The following PTPDC1 variants were observed in gnomAD, a reference collection of about 807,000 sequenced individuals.
PTPDC1 encodes the protein protein tyrosine phosphatase domain-containing protein 1.
In PTPDC1, 53 loss-of-function variants were observed where a neutral mutation model predicts 75.3. The ratio of observed to expected loss-of-function variants is 0.70; its 90% CI spans 0.56 to 0.88. PTPDC1 has a LOEUF of 0.88. PTPDC1 is among the 40% of genes least tolerant of loss of function. The pLI is 0.00. For missense variants in PTPDC1, 925 were observed against 998.6 expected, an observed-to-expected ratio of 0.93 and a Z score of 0.99; for synonymous variants, 349 against 366.2, an observed-to-expected ratio of 0.95 and a Z score of 0.54.
rs1190937704 is a variant in PTPDC1, at chr9:94,108,730, A to G, written c.*786A>G. On this transcript the variant is annotated 3_prime_UTR_variant, in exon 9 of 9. Transcript: ENST00000620992. ...TTGGGTTGCTGCTGAGCCAAATAGCATCTTTACAGAGGAAGTGGGATCAGA... is the reference window on the plus strand; with the variant it reads ...TTGGGTTGCTGCTGAGCCAAATAGCGTCTTTACAGAGGAAGTGGGATCAGA... The G allele has an allele frequency of 6.6e-6, 1 of 152,282 alleles. No homozygotes were observed. Among genetic ancestry groups the G allele is most frequent in the Non-Finnish European group, 1.5e-5 (1 of 68,090 alleles). The allele number at this position is 152,282 out of a possible 1,614,324, so 9.4% of individuals were successfully genotyped here.
intron 1 of PTPDC1, among the ~76,000 whole-genome samples, chr9:94,031,447 G>A (rs1232107597): frequency 1.3e-5 from 2 of 151,496 alleles, no homozygotes; most frequent in Non-Finnish European, 2.9e-5. Context: ...GTAAATGTTG[G>A]CAATCAATTA....
upstream of PTPDC1, among the ~76,000 whole-genome samples, chr9:94,080,108 G>A (rs1826826454): frequency 6.6e-6 from 1 of 152,174 alleles, no homozygotes; most frequent in South Asian, 2.1e-4. Context: ...TGGAACATAG[G>A]CAGGATGAGG....
chr9:94,080,988 C>CTTTTT (rs1254750314), upstream of PTPDC1, among the ~76,000 whole-genome samples: 49 of 127,524 alleles, frequency 3.8e-4, 2 homozygotes, highest in Middle Eastern at 4.5e-3. Context: ...TTTTCTTTTT[C>CTTTTT]TTTTTCTTTT....
In PTPDC1 at chr9:94,108,439, T is replaced by A. The variant is rs184900281; in HGVS notation, c.*495T>A. The stretch of plus-strand genomic sequence containing the variant: ...TATTTGTTACGAAGAAGGCTATTGC[T>A]ACAATATTTTTAAAGGTTTCTTTTT... On this transcript the variant is annotated 3_prime_UTR_variant, in exon 9 of 9. Transcript: ENST00000620992. 6.5e-6 allele frequency: 1 copy of A among 152,816 alleles called. No individual in the cohort carries two copies. Among genetic ancestry groups the A allele is most frequent in the East Asian group, 1.9e-4 (1 of 5,188 alleles). 9.5% of individuals were successfully genotyped at this position (152,816 alleles called of 1,614,324 possible).
At chr9:94,057,511 G>A (rs1213373208) in intron 1 of PTPDC1, among the ~76,000 whole-genome samples, 8 of 152,168 alleles carry the variant, frequency 5.3e-5, no homozygotes, top group Non-Finnish European at 1.0e-4. Context: ...GCGGATACTG[G>A]TTTGCAAAGT....
At chr9:94,037,264 CTG>C (rs1324819086) in intron 1 of PTPDC1, among the ~76,000 whole-genome samples, 5 of 152,178 alleles carry the variant, frequency 3.3e-5, no homozygotes, top group Non-Finnish European at 5.9e-5. Flanking sequence ...AGTGTTGTGA[CTG>C]TTTTTATTTT....
At chr9:94,103,921 T>C (rs1283687629) in intron 7 of PTPDC1, among the ~76,000 whole-genome samples, 1 of 152,214 alleles carries the variant, frequency 6.6e-6, no homozygotes, top group East Asian at 1.9e-4. Flanking sequence ...TGTATCTCTA[T>C]GACATGTCAC....
At chr9:94,045,283 C>T (rs1426276341) in intron 1 of PTPDC1, among the ~76,000 whole-genome samples, 1 of 151,886 alleles carries the variant, frequency 6.6e-6, no homozygotes, top group Non-Finnish European at 1.5e-5. Context: ...TTGCTATTGT[C>T]AATAGTGCCG....
At chr9:94,085,038 G>T (rs1827021534) in intron 1 of PTPDC1, among the ~76,000 whole-genome samples, 1 of 152,178 alleles carries the variant, frequency 6.6e-6, no homozygotes, top group Admixed American at 6.5e-5. Context: ...CTAATTGCCA[G>T]TATGTGTGGA....
At chr9:94,058,930 G>C (rs1364612075) in intron 1 of PTPDC1, among the ~76,000 whole-genome samples, 10 of 152,180 alleles carry the variant, frequency 6.6e-5, no homozygotes, top group African/African-American at 2.2e-4. Flanking sequence ...GGTAGAAGTT[G>C]CAGTGAGCCG....
At chr9:94,049,606 C>G (rs1189565015) in intron 1 of PTPDC1, among the ~76,000 whole-genome samples, 1 of 152,162 alleles carries the variant, frequency 6.6e-6, no homozygotes, top group Non-Finnish European at 1.5e-5. Flanking sequence ...TGGGCTTCCC[C>G]TTGTGGGTAA....
chr9:94,084,852 CT>C, intron 1 of PTPDC1, 78 bp downstream of exon 1: 2 of 1,057,318 alleles, frequency 1.9e-6, no homozygotes, highest in Non-Finnish European at 1.4e-6. Context: ...GTGTTTATAC[CT>C]TTTTAAATAT....
At chr9:94,065,748 A>C (rs1334992662) in intron 2 of PTPDC1, among the ~76,000 whole-genome samples, 1 of 152,206 alleles carries the variant, frequency 6.6e-6, no homozygotes, top group Non-Finnish European at 1.5e-5. Context: ...AGAGGCACTA[A>C]TACTACTGGT....
At chr9:94,041,735 C>G (rs185758183) in intron 1 of PTPDC1, among the ~76,000 whole-genome samples, 1 of 152,142 alleles carries the variant, frequency 6.6e-6, no homozygotes, top group Non-Finnish European at 1.5e-5. Context: ...TTGAGCACTT[C>G]CCTACTTTTC....
chr9:94,093,169 C>G (rs1033894997), intron 4 of PTPDC1, among the ~76,000 whole-genome samples: 1 of 152,106 alleles, frequency 6.6e-6, no homozygotes, highest in Non-Finnish European at 1.5e-5. Context: ...GATGCAGTTT[C>G]TTCCTAGTCT....
At chr9:94,078,092 G>C (rs1252325407) in intron 2 of PTPDC1, among the ~76,000 whole-genome samples, 1 of 152,136 alleles carries the variant, frequency 6.6e-6, no homozygotes, top group African/African-American at 2.4e-5. Flanking sequence ...AATACATACT[G>C]TCTCTTCTAA....
rs1025477287 is a variant in PTPDC1, at chr9:94,032,651, G to A, written c.-7+1524G>A. 3.8e-4 allele frequency among the ~76,000 whole-genome samples: 58 copies of A among 152,118 alleles called. 1 individual carries two copies. The highest frequency in any genetic ancestry group is 1.3e-3 in the African/African-American group (55 of 41,498). On this transcript the variant is annotated intron_variant, in intron 1 of 9. Transcript: ENST00000375360. ...TATTCTGATCCTCCTTGAAAACTAG[G>A]TTCAAGGCATTTATTTGAAAGTTAC...
At chr9:94,103,243 C>T (rs1243577081) in intron 7 of PTPDC1, among the ~76,000 whole-genome samples, 1 of 152,232 alleles carries the variant, frequency 6.6e-6, no homozygotes, top group African/African-American at 2.4e-5. Context: ...AGAGTTAAAA[C>T]AGGAGATGGT....
intron 2 of PTPDC1, among the ~76,000 whole-genome samples, chr9:94,069,910 C>T (rs1286102317): frequency 3.3e-5 from 5 of 151,200 alleles, no homozygotes; most frequent in African/African-American, 1.2e-4. Flanking sequence ...TTGCAACCTC[C>T]GCCTCCCGGG....
Sources: gnomAD v4.1 joint callset for allele counts (sites outside exome capture counted in the v4.1 genomes callset) on GRCh38, gnomAD v4.1.1 for gene constraint, MANE v1.5 for transcripts, NCBI Gene and HGNC (gene_info 2026-07-23, HGNC 2026-07-21) for gene names.